RARB: variants seen among roughly 807,000 people sequenced by gnomAD.
The protein encoded by RARB is retinoic acid receptor beta, also known as HBV-activated protein.
RARB carries 17 observed loss-of-function variants against 51.9 expected under a neutral mutation model. The observed-to-expected ratio is 0.33, with a 90% CI of 0.22 to 0.49. The LOEUF (loss-of-function observed/expected upper bound fraction) is 0.49. Ranked by LOEUF, RARB falls within the 20% of genes least tolerant of loss-of-function variation. The pLI, the probability that RARB is intolerant of heterozygous loss-of-function variation, is 0.99. For synonymous variants in RARB, 215 were observed against 195.4 expected (o/e 1.10, Z -0.84); for missense variants, 369 against 550.8 (o/e 0.67, Z 3.30).
At chr3:25,144,999 C>T (rs1455401026) in intron 4 of RARB, among the ~76,000 whole-genome samples, 3 of 152,226 alleles carry the variant, frequency 2.0e-5, no homozygotes, top group Non-Finnish European at 2.9e-5. Context: ...AGACACAGAC[C>T]TGTTCTGGCT....
intron 5 of RARB, among the ~76,000 whole-genome samples, chr3:25,219,335 T>C (rs1701897508): frequency 6.6e-6 from 1 of 152,052 alleles, no homozygotes; most frequent in South Asian, 2.1e-4. Context: ...TACCCTATTC[T>C]CATTTTCTGG....
chr3:24,979,072 T>C (rs1696582085), intron 2 of RARB, among the ~76,000 whole-genome samples: 1 of 152,200 alleles, frequency 6.6e-6, no homozygotes, highest in Non-Finnish European at 1.5e-5. Context: ...TTGAGTGAGT[T>C]TCTTAATCCT....
chr3:24,981,782 T>C (rs1010609858), intron 2 of RARB, among the ~76,000 whole-genome samples: 7 of 152,190 alleles, frequency 4.6e-5, no homozygotes, highest in African/African-American at 1.7e-4. Flanking sequence ...TCACCTTCCA[T>C]GTGCTGTACC....
chr3:24,912,629 A>G (rs1695013915), intron 2 of RARB, among the ~76,000 whole-genome samples: 1 of 152,166 alleles, frequency 6.6e-6, no homozygotes, highest in Non-Finnish European at 1.5e-5. Context: ...CAGGGCAATG[A>G]ACTCCCATCG....
At chr3:25,569,515 C>T (rs934543671) in intron 3 of RARB, among the ~76,000 whole-genome samples, 2 of 152,216 alleles carry the variant, frequency 1.3e-5, no homozygotes, top group Non-Finnish European at 2.9e-5. Flanking sequence ...CCTGGGTGAG[C>T]CCAAGCTCTC....
chr3:25,265,804 G>A (rs529575289), intron 5 of RARB, among the ~76,000 whole-genome samples: 7 of 152,202 alleles, frequency 4.6e-5, no homozygotes, highest in Middle Eastern at 3.4e-3. Flanking sequence ...TCTGAAGGTC[G>A]GAAATCCAAA....
In RARB at chr3:25,010,272, A is replaced by T. The variant is rs185015775; in HGVS notation, c.-379-49853A>T. Among the ~76,000 whole-genome samples, 20 of 152,158 alleles carry T rather than the reference A, an allele frequency of 1.3e-4. No homozygotes were observed. The East Asian group carries it at 2.7e-3, about 21-fold the overall frequency. The stretch of plus-strand genomic sequence containing the variant: ...CATACCTTTTCCAAACTTAAATTTA[A>T]AATTCCGTTCTCTGTAATGTTTAAA... On this transcript the variant is annotated intron_variant, in intron 2 of 11. Coordinates refer to the RARB transcript ENST00000383772.
At chr3:25,388,787 C>G (rs1411046441) in intron 5 of RARB, among the ~76,000 whole-genome samples, 5 of 151,980 alleles carry the variant, frequency 3.3e-5, no homozygotes, top group African/African-American at 9.7e-5. Flanking sequence ...TAAATGTTCA[C>G]AAGTGTGTGG....
chr3:25,114,322 G>T (rs537203639), intron 3 of RARB, among the ~76,000 whole-genome samples: 1 of 152,288 alleles, frequency 6.6e-6, no homozygotes, highest in South Asian at 2.1e-4. Context: ...CCAGACGGTT[G>T]GAGTAGCTGA....
At chr3:25,076,535 A>G (rs945582754) in intron 3 of RARB, among the ~76,000 whole-genome samples, 1 of 152,182 alleles carries the variant, frequency 6.6e-6, no homozygotes, top group Admixed American at 6.5e-5. Flanking sequence ...CTCTGCTGAC[A>G]TTTTTAGTGA....
chr3:25,010,184 G>A (rs1259787958), intron 2 of RARB, among the ~76,000 whole-genome samples: 1 of 151,898 alleles, frequency 6.6e-6, no homozygotes, highest in Non-Finnish European at 1.5e-5. Flanking sequence ...GAAACATATC[G>A]GATTAATTTT....
At chr3:25,178,785 C>T in intron 5 of RARB, among the ~76,000 whole-genome samples, 1 of 152,180 alleles carries the variant, frequency 6.6e-6, no homozygotes, top group East Asian at 1.9e-4. Context: ...TGACTTCCAA[C>T]AGGAGAAGAG....
intron 5 of RARB, among the ~76,000 whole-genome samples, chr3:25,232,764 TTATC>T (rs1322829061): frequency 6.6e-6 from 1 of 152,068 alleles, no homozygotes; most frequent in Admixed American, 6.6e-5. Flanking sequence ...AAACCGTACT[TTATC>T]TATACAATCA....
At chr3:25,332,418 C>T (rs1704927343) in intron 5 of RARB, among the ~76,000 whole-genome samples, 1 of 152,178 alleles carries the variant, frequency 6.6e-6, no homozygotes, top group Non-Finnish European at 1.5e-5. Flanking sequence ...GAACCAATGA[C>T]AAAAACCACA....
At chr3:25,179,422 T>C (rs1234180606) in intron 5 of RARB, among the ~76,000 whole-genome samples, 1 of 152,210 alleles carries the variant, frequency 6.6e-6, no homozygotes, top group Non-Finnish European at 1.5e-5. Context: ...ACTTATGCAA[T>C]GACTCTACTG....
intron 5 of RARB, among the ~76,000 whole-genome samples, chr3:25,181,427 AT>A (rs1171907296): frequency 5.3e-5 from 8 of 152,150 alleles, no homozygotes; most frequent in African/African-American, 1.7e-4. Context: ...TTGCGGAATG[AT>A]TGAATCAATG....
intron 5 of RARB, among the ~76,000 whole-genome samples, chr3:25,373,398 G>C (rs999805993): frequency 6.6e-6 from 1 of 152,072 alleles, no homozygotes. Flanking sequence ...GAGTGAGGAG[G>C]GTCCAGAAAA....
At chr3:25,480,024 C>T (rs1696148866) in intron 2 of RARB, among the ~76,000 whole-genome samples, 1 of 152,186 alleles carries the variant, frequency 6.6e-6, no homozygotes, top group African/African-American at 2.4e-5. Flanking sequence ...TCACAACAGA[C>T]TCAATTTTGA....
chr3:25,550,920 C>T (rs1028618183), intron 3 of RARB, among the ~76,000 whole-genome samples: 15 of 152,154 alleles, frequency 9.9e-5, no homozygotes, highest in Admixed American at 7.2e-4. Context: ...GACATGATCT[C>T]GTTCCTTTTT....
Sources: allele counts gnomAD v4.1 joint callset (sites outside exome capture counted in the v4.1 genomes callset), GRCh38; gene constraint gnomAD v4.1.1; transcripts MANE v1.5; gene names NCBI Gene and HGNC (gene_info 2026-07-23, HGNC 2026-07-21).